NCK2: variants seen among roughly 807,000 people sequenced by gnomAD.
NCK2 encodes the protein NCK adaptor protein 2.
A neutral mutation model predicts 33.9 loss-of-function variants in NCK2; 16 were observed. That is an observed-to-expected ratio of 0.47 (90% CI 0.32 to 0.72). The LOEUF is 0.72. NCK2 is among the 30% of genes least tolerant of loss of function. The pLI is 0.03. For missense variants in NCK2, 418 were observed against 537.3 expected, an observed-to-expected ratio of 0.78 and a Z score of 2.19; for synonymous variants, 273 against 239.9, an observed-to-expected ratio of 1.14 and a Z score of -1.27.
chr2:105,780,766 G>GC (rs973626551), intron 1 of NCK2, among the ~76,000 whole-genome samples: 36 of 152,252 alleles, frequency 2.4e-4, no homozygotes, highest in African/African-American at 6.5e-4. Flanking sequence ...ACCCCAGAGG[G>GC]CCCCCTCACC....
At chr2:105,890,092 C>T (rs1678909919) in intron 4 of NCK2, among the ~76,000 whole-genome samples, 1 of 152,118 alleles carries the variant, frequency 6.6e-6, no homozygotes, top group Admixed American at 6.5e-5. Flanking sequence ...AAAGAACACT[C>T]CCCAACTTTT....
At chr2:105,764,627 T>C (rs1689875478) in intron 1 of NCK2, among the ~76,000 whole-genome samples, 1 of 152,240 alleles carries the variant, frequency 6.6e-6, no homozygotes. Flanking sequence ...TATGGAGACC[T>C]AGATTCCTGA....
chr2:105,880,731 G>A (rs1314236069), intron 3 of NCK2, among the ~76,000 whole-genome samples: 1 of 152,122 alleles, frequency 6.6e-6, no homozygotes, highest in Non-Finnish European at 1.5e-5. Flanking sequence ...GGTTATTTCA[G>A]AAGGAAACCA....
At chr2:105,844,363 A>G (rs1676767622) in intron 2 of NCK2, among the ~76,000 whole-genome samples, 1 of 152,206 alleles carries the variant, frequency 6.6e-6, no homozygotes, top group Admixed American at 6.5e-5. Flanking sequence ...GTAGTGGTTC[A>G]TTAATTGTAA....
chr2:105,782,016 C>T (rs1424474688), intron 1 of NCK2, among the ~76,000 whole-genome samples: 1 of 152,200 alleles, frequency 6.6e-6, no homozygotes, highest in African/African-American at 2.4e-5. Context: ...ACCTGCGGCC[C>T]ATCAGGTCCC....
rs551919205 is a variant in NCK2, at chr2:105,762,319, G to A, written c.-201+17181G>A. ...CAGGGGGGGTCTAGGTCCAGGCCCG[G>A]GCGCTTCCTGCTGTCAGACTGCCTC... On this transcript the variant is annotated intron_variant, in intron 1 of 4. Coordinates refer to ENST00000233154, the MANE Select transcript of NCK2 (RefSeq NM_003581.5). Among the ~76,000 whole-genome samples, 4 of 152,254 alleles carry A rather than the reference G, an allele frequency of 2.6e-5. No individual in the cohort carries two copies. In the South Asian group the frequency reaches 8.3e-4, roughly 32 times the overall value.
At chr2:105,770,690 C>T (rs946373069) in intron 1 of NCK2, among the ~76,000 whole-genome samples, 3 of 151,980 alleles carry the variant, frequency 2.0e-5, no homozygotes, top group African/African-American at 4.8e-5. Flanking sequence ...ATATGGATAT[C>T]GATATTTAGT....
At chr2:105,759,476 A>AAC (rs1689697141) in intron 1 of NCK2, among the ~76,000 whole-genome samples, 1 of 152,230 alleles carries the variant, frequency 6.6e-6, no homozygotes, top group Non-Finnish European at 1.5e-5. Context: ...ATATAATAAA[A>AAC]CATATGGTAT....
chr2:105,831,853 C>T (rs939243221), intron 2 of NCK2, among the ~76,000 whole-genome samples: 10 of 152,036 alleles, frequency 6.6e-5, no homozygotes, highest in Admixed American at 6.6e-5. Flanking sequence ...TCTTTTTGCT[C>T]AGTATTTCTT....
intron 2 of NCK2, among the ~76,000 whole-genome samples, chr2:105,847,586 A>C (rs963537941): frequency 6.6e-6 from 1 of 151,972 alleles, no homozygotes; most frequent in Non-Finnish European, 1.5e-5. Context: ...TGGGAAGTGG[A>C]TGAGCTTTCA....
At chr2:105,776,447 G>T (rs1347458538) in intron 1 of NCK2, among the ~76,000 whole-genome samples, 2 of 152,200 alleles carry the variant, frequency 1.3e-5, no homozygotes, top group Non-Finnish European at 2.9e-5. Context: ...CCTCCAGGGT[G>T]TACAGTCACC....
chr2:105,856,961 C>T (rs1382566247), intron 3 of NCK2: 1 of 151,880 alleles, frequency 6.6e-6, no homozygotes, highest in Non-Finnish European at 1.5e-5. Context: ...CCAATTTCTA[C>T]CTTTCACCAA....
intron 2 of NCK2, among the ~76,000 whole-genome samples, chr2:105,819,607 C>T (rs911554606): frequency 1.3e-5 from 2 of 152,194 alleles, no homozygotes; most frequent in African/African-American, 2.4e-5. Flanking sequence ...GTGGCATGCT[C>T]ACCCAGCAGC....
intron 1 of NCK2, among the ~76,000 whole-genome samples, chr2:105,754,863 A>G (rs946071846): frequency 2.0e-5 from 3 of 151,940 alleles, no homozygotes; most frequent in Non-Finnish European, 4.4e-5. Context: ...TCAAACGATT[A>G]AAAAAAAGTG....
chr2:105,825,430 T>G (rs1482737395), intron 2 of NCK2, among the ~76,000 whole-genome samples: 2 of 152,232 alleles, frequency 1.3e-5, no homozygotes, highest in Non-Finnish European at 2.9e-5. Flanking sequence ...AGACTTGTCT[T>G]ATGCTCAGAA....
chr2:105,887,612 T>A (rs1002843313), intron 4 of NCK2, among the ~76,000 whole-genome samples: 1 of 152,210 alleles, frequency 6.6e-6, no homozygotes, highest in Non-Finnish European at 1.5e-5. Flanking sequence ...CCCTCCCGTT[T>A]CCTCATGACT....
At chr2:105,784,190 A>AC (rs1690595292) in intron 1 of NCK2, among the ~76,000 whole-genome samples, 1 of 152,170 alleles carries the variant, frequency 6.6e-6, no homozygotes, top group South Asian at 2.1e-4. Flanking sequence ...TGCAGCCTCT[A>AC]CCTCTTGGGC....
intron 1 of NCK2, among the ~76,000 whole-genome samples, chr2:105,787,030 T>C (rs1265733212): frequency 2.6e-5 from 4 of 152,236 alleles, no homozygotes; most frequent in African/African-American, 9.6e-5. Flanking sequence ...TGTGCCCTGC[T>C]TTCCTCTCTT....
chr2:105,777,194 T>C (rs1244333437), intron 1 of NCK2, among the ~76,000 whole-genome samples: 1 of 152,064 alleles, frequency 6.6e-6, no homozygotes, highest in Non-Finnish European at 1.5e-5. Flanking sequence ...AACCTTCTAC[T>C]CTCGTCACTG....
Sources: allele counts gnomAD v4.1 joint callset (sites outside exome capture counted in the v4.1 genomes callset), GRCh38; gene constraint gnomAD v4.1.1; transcripts MANE v1.5; gene names NCBI Gene and HGNC (gene_info 2026-07-23, HGNC 2026-07-21).